Variants in F8 observed in about 807,000 individuals in gnomAD.
F8 encodes the protein coagulation factor VIII.
In F8, 12 loss-of-function variants were observed where a neutral mutation model predicts 140.6. The observed-to-expected ratio is 0.09, with a 90% CI of 0.05 to 0.14. The LOEUF is 0.14. Ranked by LOEUF, F8 falls within the 10% of genes least tolerant of loss-of-function variation. F8 has a pLI of 1.00. For missense variants in F8, 1,354 were observed against 1,720.7 expected (o/e 0.79, Z 3.77); for synonymous variants, 585 against 614.6 (o/e 0.95, Z 0.71).
At chrX:154,860,364 T>G (rs781799587) in intron 25 of F8, 68 bp downstream of exon 25, 1 of 1,132,337 alleles carries the variant, frequency 8.8e-7, no homozygotes, top group African/African-American at 1.8e-5. Context: ...CTTTTTATGT[T>G]ATGTTAAGCT....
At chrX:154,918,021 T>G (rs2073107671) in intron 14 of F8, among the ~76,000 whole-genome samples, 1 of 112,235 alleles carries the variant, frequency 8.9e-6, no homozygotes, top group Non-Finnish European at 1.9e-5. Flanking sequence ...TGCTAAGTTA[T>G]TTATTCCAGT....
intron 11 of F8, among the ~76,000 whole-genome samples, chrX:154,955,050 C>T (rs1160322707): frequency 9.3e-6 from 1 of 107,275 alleles, no homozygotes; most frequent in Non-Finnish European, 1.9e-5. Flanking sequence ...CTAAGCTTTT[C>T]TTGTTCAGAG....
At chrX:154,921,430 G>T (rs1328456759) in intron 14 of F8, among the ~76,000 whole-genome samples, 6 of 111,854 alleles carry the variant, frequency 5.4e-5, no homozygotes, top group African/African-American at 2.0e-4. Flanking sequence ...CACTGTTGGT[G>T]GGACTGTAAA....
rs1485389662 is a variant in F8 at position 154,836,708 on chromosome X, G to T, written c.*889C>A. On this transcript the variant is annotated 3_prime_UTR_variant, in exon 26 of 26. Coordinates refer to ENST00000360256, the MANE Select transcript of F8 (RefSeq NM_000132.4). ...AGAAATATTAAATGTATGTCCTTTA[G>T]AAGCCTAATGTCATCATCATTTTCT... 1 of 111,611 alleles carries T rather than the reference G, an allele frequency of 9.0e-6. No individual in the cohort carries two copies. Among genetic ancestry groups the T allele is most frequent in the Non-Finnish European group, 1.9e-5 (1 of 53,079 alleles). 9.2% of individuals were successfully genotyped at this position (111,611 alleles called of 1,213,427 possible). A position where few individuals can be genotyped will look rare whatever the true frequency, so the allele number is the denominator to read the frequency against.
intron 14 of F8, among the ~76,000 whole-genome samples, chrX:154,923,109 G>C (rs1557277681): frequency 9.0e-6 from 1 of 111,518 alleles, no homozygotes; most frequent in African/African-American, 3.3e-5. Context: ...GTAGAGAAGA[G>C]GCTGGGGTGT....
At chrX:155,001,971 C>T (rs2073648880) in intron 1 of F8, among the ~76,000 whole-genome samples, 1 of 112,346 alleles carries the variant, frequency 8.9e-6, no homozygotes, top group South Asian at 3.7e-4. Context: ...ATGTTGTAAA[C>T]TGAAACTGTA....
intron 25 of F8, among the ~76,000 whole-genome samples, chrX:154,843,090 C>A (rs1204340160): frequency 9.0e-6 from 1 of 111,625 alleles, no homozygotes; most frequent in Non-Finnish European, 1.9e-5. Context: ...ATGATGGTTT[C>A]CAGCTTCATC....
chrX:155,014,029 G>T (rs1174357719), intron 1 of F8, among the ~76,000 whole-genome samples: 1 of 111,127 alleles, frequency 9.0e-6, no homozygotes, highest in Non-Finnish European at 1.9e-5. Context: ...ATGAATTTGG[G>T]GTGGGGGGAG....
intron 13 of F8, among the ~76,000 whole-genome samples, chrX:154,944,981 G>A (rs899594590): frequency 9.1e-6 from 1 of 109,985 alleles, no homozygotes; most frequent in Non-Finnish European, 1.9e-5. Context: ...AGAACACATG[G>A]ACACAGGAAG....
chrX:154,869,608 T>C (rs1400709095), intron 22 of F8, among the ~76,000 whole-genome samples: 1 of 111,079 alleles, frequency 9.0e-6, no homozygotes, highest in Non-Finnish European at 1.9e-5. Flanking sequence ...AATTGAAAAT[T>C]GACACCCTAA....
At chrX:154,862,256 G>C (rs2072698466) in intron 23 of F8, among the ~76,000 whole-genome samples, 1 of 111,119 alleles carries the variant, frequency 9.0e-6, no homozygotes, top group African/African-American at 3.3e-5. Flanking sequence ...TTGATCTCCT[G>C]ACCTCGTGAT....
chrX:154,850,441 C>CT (rs1159681314), intron 25 of F8, among the ~76,000 whole-genome samples: 37 of 99,937 alleles, frequency 3.7e-4, no homozygotes, highest in South Asian at 4.5e-4. Context: ...AGGCTTGGTT[C>CT]TTTTTTTTTT....
At chrX:154,932,666 T>C (rs1256162093) in intron 13 of F8, among the ~76,000 whole-genome samples, 1 of 111,500 alleles carries the variant, frequency 9.0e-6, no homozygotes, top group Non-Finnish European at 1.9e-5. Flanking sequence ...ACCTCAAATG[T>C]CACCATTATC....
chrX:155,002,416 A>G (rs2073651431), intron 1 of F8, among the ~76,000 whole-genome samples: 1 of 111,825 alleles, frequency 8.9e-6, no homozygotes, highest in South Asian at 3.8e-4. Flanking sequence ...TGAATTGGTA[A>G]AGAAGATCAC....
At chrX:154,940,127 T>C (rs146420744) in intron 13 of F8, among the ~76,000 whole-genome samples, 1,134 of 112,072 alleles carry the variant, frequency 0.01, 15 homozygotes, top group African/African-American at 0.035. Context: ...TCCAAAGGAA[T>C]GCAGCTCCTC....
chrX:154,861,856 C>G lies in F8; in HGVS notation c.6585G>C (p.Met2195Ile). The G allele has an allele frequency of 1.7e-6, 2 of 1,211,460 alleles. No homozygotes were observed. Among genetic ancestry groups the G allele is most frequent in the Non-Finnish European group, 2.2e-6 (2 of 895,304 alleles). Residue 2195 changes from methionine (M) to isoleucine (I), a missense_variant, in exon 24 of 26, where the codon ATG (methionine) becomes ATC (isoleucine). Met to Ile is a conservative substitution (Grantham distance 10, BLOSUM62 1). Around this residue, in one of 4 missense-constraint regions of F8, gnomAD observed 316 missense variants for 485.4 expected, o/e 0.65. Transcript: ENST00000360256. ...TTGCTTTACTCTCCATTCCCAATGG[C>G]ATGCTGCAACCTCAAAGAAAAGAAA... The part of the protein sequence containing the change: ...LMGCDLNSCS[M>I]PLGMESKAIS...
intron 22 of F8, among the ~76,000 whole-genome samples, chrX:154,891,559 T>C (rs782288554): frequency 1.8e-5 from 2 of 112,606 alleles, no homozygotes; most frequent in Admixed American, 1.9e-4. Flanking sequence ...TTGTGGGATG[T>C]AAAGATGTTT....
At position 154,863,151 on chromosome X, in the gene F8, C is replaced by T. The variant is rs137852461; in HGVS notation, c.6506G>A (p.Arg2169His). ...FNPPIIARYIRLHPTHYSIRS... is the reference protein window; with the variant it reads ...FNPPIIARYIHLHPTHYSIRS... ...AATGCTATAATGAGTTGGGTGCAAA[C>T]GGATGTATCGAGCAATAATTGGAGG... The change falls in exon 23 of 26, where the codon CGT (arginine) becomes CAT (histidine). Residue 2169 changes from arginine to histidine, a missense_variant. Physicochemically the swap from Arg to His is conservative, Grantham distance 29 (BLOSUM62 0). Transcript: ENST00000360256. 3.3e-6 allele frequency: 4 copies of T among 1,208,873 alleles called. No individual in the cohort carries two copies. The highest frequency in any genetic ancestry group is 4.5e-6 in the Non-Finnish European group (4 of 892,899).
At chrX:154,932,939 T>C (rs936264478) in intron 13 of F8, among the ~76,000 whole-genome samples, 1 of 111,037 alleles carries the variant, frequency 9.0e-6, no homozygotes, top group African/African-American at 3.3e-5. Context: ...AGGCAGACAT[T>C]ATAAGAAAAA....
Sources: allele counts gnomAD v4.1 joint callset (sites outside exome capture counted in the v4.1 genomes callset), GRCh38; gene constraint gnomAD v4.1.1; regional missense constraint gnomAD v4.1.1; transcripts MANE v1.5; gene names NCBI Gene and HGNC (gene_info 2026-07-23, HGNC 2026-07-21).